The following ANO10 variants were observed in gnomAD, a reference collection of about 807,000 sequenced individuals.
ANO10 encodes anoctamin 10, also known as anoctamin-10.
ANO10 carries 77 observed loss-of-function variants against 74.7 expected under a neutral mutation model. That is an observed-to-expected ratio of 1.03 (90% CI 0.86 to 1.25). The LOEUF (loss-of-function observed/expected upper bound fraction) is 1.25, where lower values mean the gene tolerates loss of function less well. Ranked by LOEUF, ANO10 falls within the 50% of genes most tolerant of loss-of-function variation. The probability of loss-of-function intolerance (pLI) is 0.00; values close to 1 mark genes in which losing one functional copy is unlikely to be tolerated. For synonymous variants in ANO10, 279 were observed against 284.9 expected (o/e 0.98, Z 0.21); for missense variants, 721 against 778.1 (o/e 0.93, Z 0.87).
chr3:43,379,092 G>A (rs2091889566), intron 12 of ANO10, among the ~76,000 whole-genome samples: 2 of 152,158 alleles, frequency 1.3e-5, no homozygotes, highest in Admixed American at 1.3e-4. Flanking sequence ...CTATGCTACA[G>A]GATCCTGAGC....
intron 1 of ANO10, among the ~76,000 whole-genome samples, chr3:43,609,541 A>G (rs899877344): frequency 8.5e-5 from 13 of 152,238 alleles, no homozygotes; most frequent in African/African-American, 2.7e-4. Context: ...CCAACCATTT[A>G]CGGTCATACA....
intron 11 of ANO10, among the ~76,000 whole-genome samples, chr3:43,463,324 G>A (rs2075469457): frequency 6.6e-6 from 1 of 152,234 alleles, no homozygotes; most frequent in African/African-American, 2.4e-5. Flanking sequence ...ACCTGGATGT[G>A]AGACATGGAG....
chr3:43,641,074 A>T (rs1225790201), intron 1 of ANO10, among the ~76,000 whole-genome samples: 1 of 152,242 alleles, frequency 6.6e-6, no homozygotes, highest in Non-Finnish European at 1.5e-5. Flanking sequence ...AGATAGAAAA[A>T]GAAAATAATT....
intron 12 of ANO10, among the ~76,000 whole-genome samples, chr3:43,423,895 CTG>C (rs2092858205): frequency 1.3e-5 from 2 of 152,172 alleles, no homozygotes; most frequent in Non-Finnish European, 2.9e-5. Context: ...TACAGCCCAG[CTG>C]TGTTAGGTCA....
intron 11 of ANO10, among the ~76,000 whole-genome samples, chr3:43,519,517 G>C (rs17075750): frequency 6.6e-6 from 1 of 152,154 alleles, no homozygotes; most frequent in African/African-American, 2.4e-5. Context: ...CCAACTTTCT[G>C]ATGTCCATTC....
chr3:43,461,413 T>C (rs1333492084), intron 11 of ANO10, among the ~76,000 whole-genome samples: 6 of 152,322 alleles, frequency 3.9e-5, no homozygotes, highest in African/African-American at 1.4e-4. Context: ...TGGGAAAGTA[T>C]ATAAAACATT....
chr3:43,556,168 C>T (rs2079739046), intron 9 of ANO10, among the ~76,000 whole-genome samples: 2 of 152,152 alleles, frequency 1.3e-5, no homozygotes, highest in Admixed American at 6.5e-5. Flanking sequence ...ATCTCTTTCT[C>T]TGAAGGATGA....
intron 9 of ANO10, among the ~76,000 whole-genome samples, chr3:43,557,838 G>A (rs961920784): frequency 3.3e-5 from 5 of 151,192 alleles, no homozygotes; most frequent in African/African-American, 9.7e-5. Flanking sequence ...ATTAGGTCAG[G>A]CATGGTGGCT....
intron 1 of ANO10, among the ~76,000 whole-genome samples, chr3:43,673,092 T>C (rs1330078939): frequency 6.6e-6 from 1 of 152,240 alleles, no homozygotes; most frequent in Non-Finnish European, 1.5e-5. Context: ...GCTGTGTGCA[T>C]AGACAATCAT....
chr3:43,474,289 G>A (rs571300928), intron 11 of ANO10, among the ~76,000 whole-genome samples: 1 of 147,792 alleles, frequency 6.8e-6, no homozygotes, highest in Non-Finnish European at 1.5e-5. Context: ...GATGGGCTCA[G>A]AGGACTTTAT....
chr3:43,438,977 T>C lies in ANO10; in HGVS notation c.1798-6250A>G, dbSNP rs534829039. ...GAAAGAAATGGGAACAGAACTTAAT[T>C]TGAGGAAATAATAGCTGGAAACTTA... is the stretch of plus-strand genomic sequence containing the variant. On this transcript the variant is annotated intron_variant, in intron 11 of 12. Coordinates refer to ENST00000292246, the MANE Select transcript of ANO10 (RefSeq NM_018075.5). Among the ~76,000 whole-genome samples the C allele has an allele frequency of 2.0e-5, 3 of 151,886 alleles. No homozygotes were observed. The South Asian group carries it at 6.3e-4, about 32-fold the overall frequency.
At chr3:43,634,847 C>T (rs1384636413) in intron 1 of ANO10, among the ~76,000 whole-genome samples, 2 of 151,974 alleles carry the variant, frequency 1.3e-5, no homozygotes, top group East Asian at 3.9e-4. Context: ...TAGAGGGCCT[C>T]GTGAGAGGAT....
chr3:43,442,612 A>G (rs955000719), intron 11 of ANO10, among the ~76,000 whole-genome samples: 1 of 152,150 alleles, frequency 6.6e-6, no homozygotes, highest in Non-Finnish European at 1.5e-5. Context: ...TAAAACGTGT[A>G]TATCACCCAA....
At chr3:43,522,766 T>C (rs977668934) in intron 11 of ANO10, among the ~76,000 whole-genome samples, 1 of 152,160 alleles carries the variant, frequency 6.6e-6, no homozygotes, top group Non-Finnish European at 1.5e-5. Context: ...AGGAGCAATG[T>C]CCAAAGTCAT....
At chr3:43,600,033 A>G (rs1258921379) in intron 3 of ANO10, among the ~76,000 whole-genome samples, 3 of 152,386 alleles carry the variant, frequency 2.0e-5, no homozygotes, top group Admixed American at 6.5e-5. Context: ...TACTCAAATT[A>G]TAAGAATTAG....
intron 10 of ANO10, among the ~76,000 whole-genome samples, chr3:43,551,038 TAA>T (rs772490103): frequency 1.4e-4 from 22 of 152,230 alleles, no homozygotes; most frequent in Non-Finnish European, 1.9e-4. Flanking sequence ...GTGTCAATAC[TAA>T]AAGAGCTCCC....
At chr3:43,675,464 A>G (rs1350552128) in intron 1 of ANO10, among the ~76,000 whole-genome samples, 1 of 152,196 alleles carries the variant, frequency 6.6e-6, no homozygotes, top group Non-Finnish European at 1.5e-5. Context: ...TACAGATGTC[A>G]GGAAGTATTT....
At chr3:43,372,930 T>C (rs2091669495) in intron 12 of ANO10, 1 of 1,359,150 alleles carries the variant, frequency 7.4e-7, no homozygotes, top group Non-Finnish European at 1.0e-6. Flanking sequence ...CTTTTTTTCA[T>C]GCGTATGAAA....
intron 11 of ANO10, among the ~76,000 whole-genome samples, chr3:43,443,992 T>C (rs755547766): frequency 4.6e-4 from 70 of 152,136 alleles, no homozygotes; most frequent in Non-Finnish European, 8.4e-4. Context: ...CCTTCTCTAT[T>C]TCATCATTTA....
Sources: allele counts gnomAD v4.1 joint callset (sites outside exome capture counted in the v4.1 genomes callset), GRCh38; gene constraint gnomAD v4.1.1; transcripts MANE v1.5; gene names NCBI Gene and HGNC (gene_info 2026-07-23, HGNC 2026-07-21).